Variants in GNB4 observed in about 807,000 individuals in gnomAD.
GNB4 encodes guanine nucleotide-binding protein subunit beta-4.
A neutral mutation model predicts 45.2 loss-of-function variants in GNB4; 28 were observed. The ratio of observed to expected loss-of-function variants is 0.62; its 90% confidence interval spans 0.46 to 0.85. The LOEUF (loss-of-function observed/expected upper bound fraction) is 0.85, where lower values mean the gene tolerates loss of function less well. Among genes scored for constraint, GNB4 ranks in the 40% least tolerant of loss-of-function variants. GNB4 has a pLI of 0.00. For synonymous variants in GNB4, 132 were observed against 143.7 expected (o/e 0.92, Z 0.58); for missense variants, 321 against 425.4 (o/e 0.75, Z 2.16).
At chr3:179,519,512 G>C in the GNB4 span, among the ~76,000 whole-genome samples, 6 of 152,036 alleles carry the variant, frequency 3.9e-5, no homozygotes, top group Non-Finnish European at 7.4e-5. Flanking sequence ...TGTATTGATG[G>C]CCAGGCTTCT....
the GNB4 span, chr3:179,465,148 A>G: frequency 7.7e-7 from 1 of 1,291,608 alleles, no homozygotes; most frequent in Non-Finnish European, 1.1e-6. Context: ...TCAAGGAAGA[A>G]GCAGCAGTCA....
the GNB4 span, among the ~76,000 whole-genome samples, chr3:179,458,018 C>A: frequency 2.0e-5 from 3 of 152,062 alleles, no homozygotes; most frequent in Non-Finnish European, 4.4e-5. Context: ...AATTCTCCTG[C>A]CTCAGCCTCC....
the GNB4 span, among the ~76,000 whole-genome samples, chr3:179,472,959 C>G: frequency 2.6e-5 from 4 of 152,120 alleles, no homozygotes; most frequent in African/African-American, 7.2e-5. Flanking sequence ...GTTAGGAGAT[C>G]GAGACCATCC....
At chr3:179,434,711 ACT>A (rs765055872) in intron 1 of GNB4, among the ~76,000 whole-genome samples, 4 of 151,504 alleles carry the variant, frequency 2.6e-5, no homozygotes, top group Non-Finnish European at 5.9e-5. Flanking sequence ...ACAGAGCAAA[ACT>A]CTGTCTCATT....
At chr3:179,419,129 T>C (rs1208720593) in intron 4 of GNB4, among the ~76,000 whole-genome samples, 4 of 152,260 alleles carry the variant, frequency 2.6e-5, no homozygotes, top group Non-Finnish European at 4.4e-5. Context: ...TTTGTGCCTA[T>C]TTAAAAAACA....
the GNB4 span, among the ~76,000 whole-genome samples, chr3:179,516,635 G>C: frequency 6.6e-6 from 1 of 152,116 alleles, no homozygotes; most frequent in African/African-American, 2.4e-5. Flanking sequence ...TTAAGAGGCG[G>C]GCTAGCGGCT....
upstream of GNB4, among the ~76,000 whole-genome samples, chr3:179,452,857 A>C (rs1405741402): frequency 6.6e-6 from 1 of 152,164 alleles, no homozygotes; most frequent in Non-Finnish European, 1.5e-5. Context: ...TTGCATCTGT[A>C]ACTATTTATG....
At chr3:179,448,776 T>C (rs1249963744) in intron 1 of GNB4, among the ~76,000 whole-genome samples, 3 of 152,112 alleles carry the variant, frequency 2.0e-5, no homozygotes, top group Admixed American at 6.5e-5. Flanking sequence ...TTCCTCAAGG[T>C]GAGGTAGAGA....
At chr3:179,525,656 A>C in the GNB4 span, among the ~76,000 whole-genome samples, 1 of 152,228 alleles carries the variant, frequency 6.6e-6, no homozygotes, top group Non-Finnish European at 1.5e-5. Context: ...CCAAGGGAAG[A>C]CTGTCTTCCC....
chr3:179,409,127 A>T (rs1234311679), intron 8 of GNB4, among the ~76,000 whole-genome samples: 11 of 22,976 alleles, frequency 4.8e-4, no homozygotes, highest in African/African-American at 6.4e-4. Flanking sequence ...AAACCCAGTA[A>T]AAAAAAAAAA....
At chr3:179,423,040 C>A (rs1715038762) in intron 2 of GNB4, among the ~76,000 whole-genome samples, 1 of 152,156 alleles carries the variant, frequency 6.6e-6, no homozygotes, top group African/African-American at 2.4e-5. Context: ...ATCCACCCGC[C>A]TCAGCCTCCC....
chr3:179,426,195 G>T lies in GNB4; in HGVS notation c.6C>A (p.Ser2Arg). ...CTTCTTGCCTCAACTGTTCCAGTTC[G>T]CTCATTTTTTCAATTTGTTTACCTC... M[S>R]ELEQLRQEAE... is the part of the protein sequence containing the mutation. Residue 2 changes from serine (S) to arginine (R), a missense_variant, in exon 2 of 10, where the codon AGC becomes AGA. Physicochemically the swap from Ser to Arg is moderately radical, Grantham distance 110. Transcript: ENST00000232564. 1.3e-6 allele frequency: 2 copies of T among 1,596,310 alleles called. No homozygotes were observed. Among genetic ancestry groups the T allele is most frequent in the Admixed American group, 1.9e-5 (1 of 53,716 alleles).
At chr3:179,407,691 C>CCA (rs1352518360) in intron 8 of GNB4, among the ~76,000 whole-genome samples, 2 of 152,078 alleles carry the variant, frequency 1.3e-5, no homozygotes, top group Admixed American at 1.3e-4. Flanking sequence ...AGAGAAAACT[C>CCA]CAGAGGCATG....
intron 1 of GNB4, among the ~76,000 whole-genome samples, chr3:179,441,597 CAAAA>C (rs1346950805): frequency 6.6e-6 from 1 of 151,544 alleles, no homozygotes; most frequent in Non-Finnish European, 1.5e-5. Context: ...AACAAACAAA[CAAAA>C]ATTAGCCAGG....
At chr3:179,499,760 C>T in the GNB4 span, among the ~76,000 whole-genome samples, 1 of 152,178 alleles carries the variant, frequency 6.6e-6, no homozygotes, top group South Asian at 2.1e-4. Context: ...TCTGTTGTCT[C>T]CTGACTTTTT....
At chr3:179,485,669 G>A in the GNB4 span, among the ~76,000 whole-genome samples, 2 of 152,230 alleles carry the variant, frequency 1.3e-5, no homozygotes, top group East Asian at 1.9e-4. Context: ...AGCTGGGCAC[G>A]ATTGCTCATG....
the GNB4 span, among the ~76,000 whole-genome samples, chr3:179,524,980 G>C: frequency 1.9e-3 from 288 of 152,190 alleles, no homozygotes; most frequent in Middle Eastern, 3.4e-3. Flanking sequence ...GACCTGGCTC[G>C]GCCTGGCGAG....
At chr3:179,465,001 T>C in the GNB4 span, 1 of 1,537,162 alleles carries the variant, frequency 6.5e-7, no homozygotes, top group Non-Finnish European at 9.0e-7. Context: ...ATGGGGTGCA[T>C]GAACGTCCCG....
chr3:179,465,296 G>T, the GNB4 span: 1 of 1,479,434 alleles, frequency 6.8e-7, no homozygotes, highest in Non-Finnish European at 9.4e-7. Flanking sequence ...CATGACAGTG[G>T]CAATGCTAAT....
Sources: gnomAD v4.1 joint callset for allele counts (sites outside exome capture counted in the v4.1 genomes callset) on GRCh38, gnomAD v4.1.1 for gene constraint, MANE v1.5 for transcripts, NCBI Gene and HGNC (gene_info 2026-07-23, HGNC 2026-07-21) for gene names.